MEIKIN: variants seen among roughly 807,000 people sequenced by gnomAD.
The protein encoded by MEIKIN is meiosis-specific kinetochore protein.
At chr5:131,884,801 C>T (rs1327265239) in intron 8 of MEIKIN, among the ~76,000 whole-genome samples, 2 of 151,338 alleles carry the variant, frequency 1.3e-5, no homozygotes, top group Non-Finnish European at 2.9e-5. Flanking sequence ...GAGGAGTCCA[C>T]TGCCCTGAAG....
At chr5:131,871,285 T>G (rs1750491290) in intron 9 of MEIKIN, among the ~76,000 whole-genome samples, 1 of 152,116 alleles carries the variant, frequency 6.6e-6, no homozygotes, top group African/African-American at 2.4e-5. Flanking sequence ...CCTGGAAAAT[T>G]GGGTCACTCC....
intron 4 of MEIKIN, among the ~76,000 whole-genome samples, chr5:131,938,630 G>C (rs1580916629): frequency 6.6e-6 from 1 of 152,120 alleles, no homozygotes; most frequent in East Asian, 1.9e-4. Context: ...AATGTTTTCT[G>C]ATTTCATATT....
intron 4 of MEIKIN, among the ~76,000 whole-genome samples, chr5:131,936,039 C>T (rs1014351496): frequency 1.3e-5 from 2 of 152,174 alleles, no homozygotes; most frequent in South Asian, 2.1e-4. Flanking sequence ...CCTTCCATTT[C>T]TCAAAATTTC....
chr5:131,822,934 ATTT>A lies in MEIKIN; in HGVS notation c.976-4074_976-4072del, dbSNP rs70974019. Among the ~76,000 whole-genome samples the A allele has an allele frequency of 6.2e-3, 724 of 116,872 alleles. 4 individuals are homozygous for A. The highest frequency in any genetic ancestry group is 0.019 in the African/African-American group (629 of 33,506). The allele number at this position is 116,872 out of a possible 152,430, so 76.7% of individuals were successfully genotyped here. Reference sequence around the variant, plus strand: ...TCTATTTCTCCTTCATGCTTAAAGGATTTTTTTTTTTTTTTTTTTTGCCAGATA... The same window carrying A: ...TCTATTTCTCCTTCATGCTTAAAGGATTTTTTTTTTTTTTTTTGCCAGATA... On this transcript the variant is annotated intron_variant, in intron 11 of 12. Transcript: ENST00000442687.
At chr5:131,816,400 T>C (rs907041657) in intron 12 of MEIKIN, among the ~76,000 whole-genome samples, 1 of 152,348 alleles carries the variant, frequency 6.6e-6, no homozygotes, top group East Asian at 1.9e-4. Flanking sequence ...ATAATATAGG[T>C]AGGCCTCATT....
intron 8 of MEIKIN, among the ~76,000 whole-genome samples, chr5:131,888,997 G>T (rs964578483): frequency 2.0e-5 from 3 of 152,162 alleles, no homozygotes; most frequent in Admixed American, 2.0e-4. Context: ...TTTATGTCAG[G>T]TTTGTCAAAC....
chr5:131,827,900 T>C (rs1309356807), intron 11 of MEIKIN, among the ~76,000 whole-genome samples: 5 of 152,078 alleles, frequency 3.3e-5, no homozygotes, highest in Admixed American at 2.6e-4. Flanking sequence ...CCAAAATAAT[T>C]TGCCAGGCAT....
intron 8 of MEIKIN, among the ~76,000 whole-genome samples, chr5:131,902,507 T>C (rs2149639559): frequency 8.7e-6 from 1 of 115,570 alleles, no homozygotes; most frequent in Middle Eastern, 4.2e-3. Context: ...ACATCTTGCT[T>C]CCTGTACATC....
At chr5:131,939,635 A>G (rs1751836694) in intron 4 of MEIKIN, among the ~76,000 whole-genome samples, 1 of 152,222 alleles carries the variant, frequency 6.6e-6, no homozygotes, top group South Asian at 2.1e-4. Flanking sequence ...AGGTAGAATT[A>G]AAACAATAAA....
chr5:131,842,117 C>A (rs1420063926), intron 11 of MEIKIN, among the ~76,000 whole-genome samples: 1 of 151,998 alleles, frequency 6.6e-6, no homozygotes, highest in East Asian at 1.9e-4. Context: ...CAGGTGCATG[C>A]CATCACGCCC....
At chr5:131,918,530 C>T (rs765761465) in intron 6 of MEIKIN, among the ~76,000 whole-genome samples, 17 of 152,222 alleles carry the variant, frequency 1.1e-4, no homozygotes, top group Non-Finnish European at 2.2e-4. Flanking sequence ...GGACCCCTAA[C>T]TCAATGTTCT....
chr5:131,885,872 A>C (rs188908556), intron 8 of MEIKIN, among the ~76,000 whole-genome samples: 2 of 152,334 alleles, frequency 1.3e-5, no homozygotes, highest in East Asian at 3.9e-4. Context: ...TAGATAGACA[A>C]TGCAAAATAG....
At chr5:131,889,312 C>T (rs1462337120) in intron 8 of MEIKIN, among the ~76,000 whole-genome samples, 4 of 152,028 alleles carry the variant, frequency 2.6e-5, no homozygotes, top group Non-Finnish European at 5.9e-5. Flanking sequence ...AGTATGGCCA[C>T]TTTCATGATA....
intron 8 of MEIKIN, among the ~76,000 whole-genome samples, chr5:131,891,500 T>A (rs1032680641): frequency 2.6e-5 from 4 of 152,230 alleles, no homozygotes; most frequent in Non-Finnish European, 4.4e-5. Context: ...TTGATCTTTG[T>A]TGGTTTAAAG....
At chr5:131,894,807 G>A (rs1343465115) in intron 8 of MEIKIN, among the ~76,000 whole-genome samples, 4 of 152,140 alleles carry the variant, frequency 2.6e-5, no homozygotes, top group Non-Finnish European at 4.4e-5. Context: ...GGCCTGTGAC[G>A]ATGGGGTTTT....
chr5:131,821,159 C>T (rs893334371), intron 11 of MEIKIN, among the ~76,000 whole-genome samples: 2 of 152,230 alleles, frequency 1.3e-5, no homozygotes, highest in Middle Eastern at 3.4e-3. Context: ...TCCATTAGTA[C>T]TGCTTTTGCT....
At chr5:131,820,887 C>T (rs1430883511) in intron 11 of MEIKIN, among the ~76,000 whole-genome samples, 1 of 152,008 alleles carries the variant, frequency 6.6e-6, no homozygotes, top group Admixed American at 6.5e-5. Context: ...ATTTTATTTA[C>T]TTGGGTCTTC....
intron 5 of MEIKIN, among the ~76,000 whole-genome samples, chr5:131,931,965 T>C (rs571053299): frequency 6.6e-6 from 1 of 152,314 alleles, no homozygotes; most frequent in African/African-American, 2.4e-5. Flanking sequence ...TAGGTGGGGC[T>C]TGTCACATAG....
intron 7 of MEIKIN, among the ~76,000 whole-genome samples, chr5:131,914,142 C>T (rs1751374490): frequency 6.6e-6 from 1 of 152,172 alleles, no homozygotes; most frequent in African/African-American, 2.4e-5. Flanking sequence ...CACCTCGGGA[C>T]TCTGCAGAGA....
Sources: gnomAD v4.1 joint callset for allele counts (sites outside exome capture counted in the v4.1 genomes callset) on GRCh38, gnomAD v4.1.1 for gene constraint, MANE v1.5 for transcripts, NCBI Gene and HGNC (gene_info 2026-07-23, HGNC 2026-07-21) for gene names.